Variants in EPHB1 observed in about 807,000 individuals in gnomAD.
EPHB1 encodes the protein ephrin type-B receptor 1.
Under a neutral mutation model 94.4 loss-of-function variants are expected in EPHB1, and 30 were observed. That is an observed-to-expected ratio of 0.32 (90% confidence interval 0.24 to 0.43). The LOEUF is 0.43. Among genes scored for constraint, EPHB1 ranks in the 20% least tolerant of loss-of-function variants. The pLI, the probability that EPHB1 is intolerant of heterozygous loss-of-function variation, is 1.00. For synonymous variants in EPHB1, 522 were observed against 489.1 expected, an observed-to-expected ratio of 1.07 and a Z score of -0.89; for missense variants, 1,055 against 1,308.3, an observed-to-expected ratio of 0.81 and a Z score of 2.99.
intron 4 of EPHB1, among the ~76,000 whole-genome samples, chr3:135,122,769 A>G (rs1576405732): frequency 6.6e-6 from 1 of 152,224 alleles, no homozygotes; most frequent in South Asian, 2.1e-4. Context: ...ACTTTCTACA[A>G]ACACTGGTTT....
chr3:135,125,737 C>G (rs1018348409), intron 4 of EPHB1, among the ~76,000 whole-genome samples: 3 of 152,120 alleles, frequency 2.0e-5, no homozygotes, highest in Non-Finnish European at 4.4e-5. Context: ...CCTCTTTTGG[C>G]TTATGTTATC....
intron 1 of EPHB1, among the ~76,000 whole-genome samples, chr3:134,908,005 A>G (rs1288050640): frequency 2.0e-5 from 3 of 152,192 alleles, no homozygotes; most frequent in African/African-American, 7.2e-5. Context: ...GAGGTGCTGC[A>G]CACCACAGCT....
chr3:134,904,921 C>T (rs967634416), intron 1 of EPHB1, among the ~76,000 whole-genome samples: 2 of 152,166 alleles, frequency 1.3e-5, no homozygotes, highest in Non-Finnish European at 1.5e-5. Flanking sequence ...TAACCAGGGG[C>T]CTTTTAGGGG....
chr3:135,108,197 T>C (rs553576978), intron 4 of EPHB1, among the ~76,000 whole-genome samples: 1 of 152,332 alleles, frequency 6.6e-6, no homozygotes, highest in Non-Finnish European at 1.5e-5. Flanking sequence ...TGACTTTAAA[T>C]GGATTATATC....
At chr3:134,902,876 G>A (rs1274253554) in intron 1 of EPHB1, among the ~76,000 whole-genome samples, 1 of 152,184 alleles carries the variant, frequency 6.6e-6, no homozygotes, top group East Asian at 1.9e-4. Flanking sequence ...CAGCAATTTT[G>A]AAAGCCACTT....
At chr3:135,245,744 T>G (rs1391660388) in intron 13 of EPHB1, among the ~76,000 whole-genome samples, 1 of 138,534 alleles carries the variant, frequency 7.2e-6, no homozygotes, top group Non-Finnish European at 1.5e-5. Flanking sequence ...AGGTGGAGGT[T>G]GCAGTGATCT....
Position 135,160,707 on chromosome 3 carries a change from C to A in EPHB1, c.1423-1311C>A, listed in dbSNP as rs367748945. ...ATGCTCCTGTGAAAATGATTAGAGG[C>A]CATGTTGGTATACAAGAAGGTGCTG... On this transcript the variant is annotated intron_variant, in intron 6 of 15. Transcript: ENST00000398015. Among the ~76,000 whole-genome samples, 7 of 152,114 alleles carry A rather than the reference C, an allele frequency of 4.6e-5. 1 individual carries two copies. In the East Asian group the frequency reaches 9.6e-4, roughly 21 times the overall value.
At chr3:135,164,446 G>A (rs531934412) in intron 7 of EPHB1, among the ~76,000 whole-genome samples, 14 of 152,220 alleles carry the variant, frequency 9.2e-5, no homozygotes, top group African/African-American at 3.4e-4. Context: ...TCTGAGGAGG[G>A]GTCTGGAAAC....
intron 10 of EPHB1, among the ~76,000 whole-genome samples, chr3:135,189,220 A>G (rs1942401008): frequency 1.3e-5 from 2 of 152,054 alleles, no homozygotes; most frequent in Non-Finnish European, 2.9e-5. Context: ...ATGTGCCAGG[A>G]CCTGTGCTGT....
intron 9 of EPHB1, among the ~76,000 whole-genome samples, chr3:135,177,649 A>G (rs1434465615): frequency 1.3e-5 from 2 of 152,050 alleles, no homozygotes; most frequent in East Asian, 3.9e-4. Context: ...TCCTTTCCCT[A>G]TCTTACTTCC....
rs967059967 is a variant in EPHB1 at position 135,178,877 on chromosome 3, C to T, written c.1760-983C>T. On this transcript the variant is annotated intron_variant, in intron 9 of 15. Coordinates refer to ENST00000398015, the MANE Select transcript of EPHB1 (RefSeq NM_004441.5). ...TCTTCCCAAGGCTGTGATATCAGAC[C>T]TTGTCATTTGACCTTCGAAGCCCCA... is the stretch of plus-strand genomic sequence containing the variant. Among the ~76,000 whole-genome samples the T allele has an allele frequency of 7.2e-5, 11 of 152,298 alleles. No individual in the cohort carries two copies. The East Asian group carries it at 1.9e-3, about 27-fold the overall frequency.
chr3:134,965,797 G>A (rs935793065), intron 3 of EPHB1, among the ~76,000 whole-genome samples: 6 of 151,528 alleles, frequency 4.0e-5, no homozygotes, highest in Non-Finnish European at 5.9e-5. Context: ...GGAGGCTACC[G>A]ATTGACTACT....
At chr3:135,239,224 G>A (rs1261939146) in intron 12 of EPHB1, among the ~76,000 whole-genome samples, 1 of 152,108 alleles carries the variant, frequency 6.6e-6, no homozygotes, top group Non-Finnish European at 1.5e-5. Context: ...CAGCCTGGTT[G>A]CCTTTATTCC....
At chr3:134,837,193 G>A (rs2036687265) in intron 1 of EPHB1, among the ~76,000 whole-genome samples, 1 of 152,078 alleles carries the variant, frequency 6.6e-6, no homozygotes, top group South Asian at 2.1e-4. Context: ...TGCATATTGG[G>A]ACCTATTTGT....
At chr3:135,185,859 G>C (rs934322753) in intron 10 of EPHB1, among the ~76,000 whole-genome samples, 5 of 152,212 alleles carry the variant, frequency 3.3e-5, no homozygotes, top group African/African-American at 4.8e-5. Flanking sequence ...AAGCCTCGTT[G>C]TTGGGAATTA....
intron 5 of EPHB1, among the ~76,000 whole-genome samples, chr3:135,133,384 T>G (rs1940496645): frequency 6.6e-6 from 1 of 152,040 alleles, no homozygotes; most frequent in Non-Finnish European, 1.5e-5. Flanking sequence ...CAGACAGGTG[T>G]GTGAGTGGAC....
At chr3:134,828,784 A>G (rs1015463426) in intron 1 of EPHB1, among the ~76,000 whole-genome samples, 4 of 152,162 alleles carry the variant, frequency 2.6e-5, no homozygotes, top group African/African-American at 4.8e-5. Flanking sequence ...CTGGGCATGT[A>G]TGGGCACCAA....
intron 3 of EPHB1, among the ~76,000 whole-genome samples, chr3:135,035,825 G>A (rs1029905958): frequency 9.1e-4 from 138 of 152,314 alleles, no homozygotes; most frequent in African/African-American, 3.1e-3. Flanking sequence ...TGGCCCATGT[G>A]GAGGGCTGTC....
chr3:134,927,344 T>C (rs1474032220), intron 2 of EPHB1, among the ~76,000 whole-genome samples: 1 of 152,172 alleles, frequency 6.6e-6, no homozygotes, highest in Non-Finnish European at 1.5e-5. Flanking sequence ...GCATGATGCC[T>C]TGAAACAGGG....
Sources: gnomAD v4.1 joint callset for allele counts (sites outside exome capture counted in the v4.1 genomes callset) on GRCh38, gnomAD v4.1.1 for gene constraint, MANE v1.5 for transcripts, NCBI Gene and HGNC (gene_info 2026-07-23, HGNC 2026-07-21) for gene names.